Variants in CWH43 observed in about 807,000 individuals in gnomAD.
The protein encoded by CWH43 is cell wall biogenesis 43 C-terminal homolog, also known as PGAP2-interacting protein.
Under a neutral mutation model 85.7 loss-of-function variants are expected in CWH43, and 91 were observed. The ratio of observed to expected loss-of-function variants is 1.06; its 90% CI spans 0.90 to 1.26. The LOEUF is 1.26. Among genes scored for constraint, CWH43 ranks in the 50% most tolerant of loss-of-function variants. The probability of loss-of-function intolerance (pLI) is 0.00; values close to 1 mark genes in which losing one functional copy is unlikely to be tolerated. For missense variants in CWH43, 869 were observed against 839.2 expected, an observed-to-expected ratio of 1.04 and a Z score of -0.44; for synonymous variants, 323 against 293.6, an observed-to-expected ratio of 1.10 and a Z score of -1.02.
Position 49,059,905 on chromosome 4 carries a change from A to G in CWH43, c.2022-1907A>G, listed in dbSNP as rs1785090946. 3.3e-5 allele frequency among the ~76,000 whole-genome samples: 5 copies of G among 152,040 alleles called. No homozygotes were observed. In the South Asian group the frequency reaches 1.0e-3, roughly 32 times the overall value. On this transcript the variant is annotated intron_variant, in intron 15 of 15. Coordinates refer to ENST00000226432, the MANE Select transcript of CWH43 (RefSeq NM_025087.3). ...AGGAGCCACCCTGGTGCTGGAATGA[A>G]CCTGGTGCCTGGATCCATTGGGATA...
intron 10 of CWH43, among the ~76,000 whole-genome samples, chr4:49,029,547 G>T (rs1336794828): frequency 6.6e-6 from 1 of 152,218 alleles, no homozygotes; most frequent in Non-Finnish European, 1.5e-5. Context: ...AGGAGGATTA[G>T]TAAAAGAGGA....
At chr4:49,031,926 A>AC (rs1784112473) in intron 11 of CWH43, among the ~76,000 whole-genome samples, 1 of 152,230 alleles carries the variant, frequency 6.6e-6, no homozygotes, top group Non-Finnish European at 1.5e-5. Context: ...AGTGTGAGAT[A>AC]CCCCAAGACA....
chr4:49,014,222 G>A (rs556231062), intron 8 of CWH43, among the ~76,000 whole-genome samples: 10 of 152,246 alleles, frequency 6.6e-5, no homozygotes, highest in African/African-American at 2.4e-4. Context: ...AAAGGCCAAG[G>A]CAGGAGGATT....
intron 3 of CWH43, 140 bp downstream of exon 3, chr4:48,991,714 A>G: frequency 8.5e-6 from 9 of 1,055,052 alleles, no homozygotes; most frequent in South Asian, 1.7e-5. Context: ...CCTTTTCCCA[A>G]AACAAGGACA....
At position 49,011,765 on chromosome 4, in the gene CWH43, G is replaced by GAA. The variant is rs201547884; in HGVS notation, c.1186+4442_1186+4443dup. Among the ~76,000 whole-genome samples, 900 of 152,264 alleles carry GAA rather than the reference G, an allele frequency of 5.9e-3. 4 individuals are homozygous for GAA. The highest frequency in any genetic ancestry group is 9.9e-3 in the Non-Finnish European group (670 of 68,020). ...AAGCTTAGTTATAAAATTCTGGGTT[G>GAA]AAAATTCTTTTCTTTAAGAATGTTG... On this transcript the variant is annotated intron_variant, in intron 8 of 15. Coordinates refer to ENST00000226432, the MANE Select transcript of CWH43 (RefSeq NM_025087.3).
chr4:48,986,800 G>A (rs1027306344), intron 1 of CWH43: 4 of 1,191,990 alleles, frequency 3.4e-6, no homozygotes, highest in Non-Finnish European at 4.2e-6. Flanking sequence ...CGTCCCCAAA[G>A]CCCCCCACCC....
chr4:49,044,302 A>G (rs1406066613), intron 13 of CWH43, among the ~76,000 whole-genome samples: 2 of 152,210 alleles, frequency 1.3e-5, no homozygotes, highest in African/African-American at 4.8e-5. Flanking sequence ...CACCTGCTCA[A>G]TGCCAGGTTT....
At chr4:49,006,664 T>A (rs1331039676) in intron 7 of CWH43, among the ~76,000 whole-genome samples, 1 of 152,202 alleles carries the variant, frequency 6.6e-6, no homozygotes, top group Non-Finnish European at 1.5e-5. Flanking sequence ...TTGTTGCATA[T>A]CCCAATTTAG....
intron 12 of CWH43, among the ~76,000 whole-genome samples, chr4:49,037,696 T>C (rs1017538448): frequency 6.6e-6 from 1 of 152,242 alleles, no homozygotes; most frequent in Non-Finnish European, 1.5e-5. Flanking sequence ...CTACTAATTC[T>C]TTAGCTGTAA....
chr4:48,991,836 A>C, intron 3 of CWH43, 100 bp from the exon 4 acceptor site: 2 of 1,064,366 alleles, frequency 1.9e-6, no homozygotes, highest in Non-Finnish European at 2.8e-6. Flanking sequence ...ATTACCAATA[A>C]GACTATTTCA....
Position 48,991,494 on chromosome 4 carries a change from A to C in CWH43, c.276A>C (p.Arg92=). The change falls in exon 3 of 16, where the codon CGA becomes CGC. Residue 92 remains arginine (R), a synonymous_variant. Transcript: ENST00000226432. ...ASFQAPNAKL[R]LMVLALGVSS... is the part of the protein sequence containing the mutation. The stretch of plus-strand genomic sequence containing the variant: ...TCCAGGCTCCAAATGCCAAACTTCG[A>C]CTGATGGTTCTTGCGCTTGGGGTGT... 1.9e-6 allele frequency: 3 copies of C among 1,614,002 alleles called. No individual in the cohort carries two copies. Among genetic ancestry groups the C allele is most frequent in the Non-Finnish European group, 2.5e-6 (3 of 1,179,962 alleles).
chr4:49,047,079 C>A (rs1784647711), intron 14 of CWH43, among the ~76,000 whole-genome samples: 1 of 152,114 alleles, frequency 6.6e-6, no homozygotes, highest in Non-Finnish European at 1.5e-5. Context: ...AAGATAGGGG[C>A]CGACGTTAAT....
chr4:48,988,384 C>A lies in CWH43; in HGVS notation c.44-93C>A, dbSNP rs545702480. On this transcript the variant is annotated intron_variant, in intron 1 of 15. Transcript: ENST00000226432. ...AGGCCAGAGTCATGAAGAAGAATGA[C>A]CAGCCCAAGCGGCTGGAGTGGAGGG... 1.6e-5 allele frequency: 15 copies of A among 947,554 alleles called. No homozygotes were observed. In the Admixed American group the frequency reaches 4.2e-4, roughly 27 times the overall value. The allele number at this position is 947,554 out of a possible 1,614,324, so 58.7% of individuals were successfully genotyped here. A position where few individuals can be genotyped will look rare whatever the true frequency, so the allele number is the denominator to read the frequency against.
chr4:49,002,519 A>T (rs1783022679), intron 6 of CWH43, among the ~76,000 whole-genome samples: 2 of 152,220 alleles, frequency 1.3e-5, no homozygotes, highest in African/African-American at 4.8e-5. Flanking sequence ...AATACACAGA[A>T]ATATTGGCTG....
intron 6 of CWH43, among the ~76,000 whole-genome samples, chr4:49,003,147 C>A (rs564245933): frequency 1.3e-5 from 2 of 152,312 alleles, no homozygotes; most frequent in African/African-American, 4.8e-5. Context: ...GAATGCATAG[C>A]TCCTGACACC....
At chr4:49,050,620 G>T in intron 14 of CWH43, 74 bp from the exon 15 acceptor site, 1 of 1,149,786 alleles carries the variant, frequency 8.7e-7, no homozygotes, top group South Asian at 1.6e-5. Context: ...AATAACAAAG[G>T]GGTATCACTT....
At chr4:49,055,218 G>T in intron 15 of CWH43, among the ~76,000 whole-genome samples, 1 of 152,118 alleles carries the variant, frequency 6.6e-6, no homozygotes. Flanking sequence ...ATCATGAAAA[G>T]ATGTTGAATT....
At chr4:48,988,365 G>C in intron 1 of CWH43, 112 bp from the exon 2 acceptor site, 1 of 732,958 alleles carries the variant, frequency 1.4e-6, no homozygotes, top group Non-Finnish European at 2.2e-6. Context: ...GTTCAGGCCA[G>C]AGTCATGAAG....
In CWH43 at chr4:49,030,959, G is replaced by A. The variant is rs1784077526; in HGVS notation, c.1507G>A (p.Gly503Arg). ...TCCAAGCACAAGGTATCACACTTGG[G>A]GGTGAGTATACCTTGGGAGTTAATC... ...FGPSTRYHTW[G>R]IMALSRYPIV... is the part of the protein sequence containing the mutation. The change falls in exon 11 of 16, where the codon GGG becomes AGG. Residue 503 changes from glycine to arginine, a missense_variant and splice_region_variant. Physicochemically the swap from Gly to Arg is moderately radical, Grantham distance 125. Around this residue, in one of 3 missense-constraint regions of CWH43, gnomAD observed 577 missense variants for 513.1 expected, o/e 1.12. Transcript: ENST00000226432. 1.9e-6 allele frequency: 3 copies of A among 1,586,126 alleles called. No individual in the cohort carries two copies. Among genetic ancestry groups the A allele is most frequent in the Non-Finnish European group, 2.6e-6 (3 of 1,170,276 alleles).
Sources: gnomAD v4.1 joint callset for allele counts (sites outside exome capture counted in the v4.1 genomes callset) on GRCh38, gnomAD v4.1.1 for gene constraint, gnomAD v4.1.1 regional missense constraint, MANE v1.5 for transcripts, NCBI Gene and HGNC (gene_info 2026-07-23, HGNC 2026-07-21) for gene names.